The following SPAG16 variants were observed in gnomAD, a reference collection of about 807,000 sequenced individuals.
SPAG16 encodes sperm associated antigen 16.
Under a neutral mutation model 80.4 loss-of-function variants are expected in SPAG16, and 86 were observed. The observed-to-expected ratio is 1.07, with a 90% CI of 0.90 to 1.28. SPAG16 has a LOEUF of 1.28. SPAG16 is among the 50% of genes most tolerant of loss of function. The pLI is 0.00. For synonymous variants in SPAG16, 294 were observed against 265.9 expected (o/e 1.11, Z -1.03); for missense variants, 870 against 765.3 (o/e 1.14, Z -1.61).
In SPAG16 at chr2:213,571,906, G is replaced by A. The variant is rs1261944028; in HGVS notation, c.1070+81816G>A. Among the ~76,000 whole-genome samples the A allele has an allele frequency of 2.2e-5, 3 of 138,888 alleles. No individual in the cohort carries two copies. In the East Asian group the frequency reaches 6.0e-4, roughly 28 times the overall value. 91.1% of individuals were successfully genotyped at this position (138,888 alleles called of 152,430 possible). Reference sequence around the variant, plus strand: ...GACATAGATTTGGTCTTTTCACATAGTCCCATAGTTCTTGGAGGCTTTGCT... The same window carrying A: ...GACATAGATTTGGTCTTTTCACATAATCCCATAGTTCTTGGAGGCTTTGCT... On this transcript the variant is annotated intron_variant, in intron 10 of 15. Coordinates refer to ENST00000331683, the MANE Select transcript of SPAG16 (RefSeq NM_024532.5).
chr2:214,379,828 T>TAACA, intron 15 of SPAG16, among the ~76,000 whole-genome samples: 1 of 151,984 alleles, frequency 6.6e-6, no homozygotes, highest in East Asian at 1.9e-4. Flanking sequence ...TGCAGAGGAC[T>TAACA]AACAAACACC....
intron 15 of SPAG16, among the ~76,000 whole-genome samples, chr2:214,217,217 C>A (rs957005402): frequency 6.6e-6 from 1 of 152,228 alleles, no homozygotes; most frequent in African/African-American, 2.4e-5. Context: ...GTAAAGCATG[C>A]AATGCTTAGA....
chr2:213,804,474 G>T (rs1276774881), intron 10 of SPAG16, among the ~76,000 whole-genome samples: 1 of 152,156 alleles, frequency 6.6e-6, no homozygotes, highest in African/African-American at 2.4e-5. Context: ...ACAAGGTCAA[G>T]AGATCGAGAC....
intron 10 of SPAG16, among the ~76,000 whole-genome samples, chr2:213,818,131 T>G (rs534057902): frequency 1.1e-4 from 17 of 152,116 alleles, no homozygotes; most frequent in Non-Finnish European, 2.5e-4. Flanking sequence ...ATGCAGTCCT[T>G]TAAAGATCCC....
At chr2:214,224,297 A>T (rs1035697847) in intron 15 of SPAG16, among the ~76,000 whole-genome samples, 7 of 152,310 alleles carry the variant, frequency 4.6e-5, no homozygotes, top group South Asian at 2.1e-4. Context: ...AAAATGTTTC[A>T]CAAACAATGA....
chr2:214,164,279 T>C (rs2056565262), intron 15 of SPAG16, among the ~76,000 whole-genome samples: 1 of 152,138 alleles, frequency 6.6e-6, no homozygotes, highest in African/African-American at 2.4e-5. Flanking sequence ...CAAGTGGTGA[T>C]AAGTCTTATG....
chr2:213,808,680 TA>T (rs1377794214), intron 10 of SPAG16, among the ~76,000 whole-genome samples: 1 of 152,188 alleles, frequency 6.6e-6, no homozygotes, highest in Non-Finnish European at 1.5e-5. Context: ...AGGATCCATG[TA>T]GTACTGTTTT....
rs561076850 is a variant in SPAG16 at position 213,462,051 on chromosome 2, T to C, written c.943-27912T>C. ...GATGTTGAAAAAAATGTTAAAAACA[T>C]TGTATTCTGATTATGACTTAAAGTG... On this transcript the variant is annotated intron_variant, in intron 9 of 15. Transcript: ENST00000331683. 1.1e-3 allele frequency among the ~76,000 whole-genome samples: 167 copies of C among 152,324 alleles called. 1 individual carries two copies. The highest frequency in any genetic ancestry group is 3.8e-3 in the African/African-American group (159 of 41,572).
At chr2:213,715,697 T>C (rs1171794484) in intron 10 of SPAG16, among the ~76,000 whole-genome samples, 1 of 152,220 alleles carries the variant, frequency 6.6e-6, no homozygotes, top group Admixed American at 6.5e-5. Flanking sequence ...TCTTTTCATC[T>C]ACCTGACATT....
intron 5 of SPAG16, among the ~76,000 whole-genome samples, chr2:213,320,931 T>G (rs1429325343): frequency 6.6e-6 from 1 of 152,044 alleles, no homozygotes. Context: ...CTGCCCCAAA[T>G]GGTAGTGTTT....
chr2:214,079,364 T>C (rs1261156552), intron 13 of SPAG16, among the ~76,000 whole-genome samples: 2 of 152,152 alleles, frequency 1.3e-5, no homozygotes, highest in African/African-American at 2.4e-5. Flanking sequence ...AGAATAGTAA[T>C]TTTCACAATC....
At chr2:213,704,460 A>G (rs1267838823) in intron 10 of SPAG16, among the ~76,000 whole-genome samples, 1 of 152,154 alleles carries the variant, frequency 6.6e-6, no homozygotes, top group East Asian at 1.9e-4. Flanking sequence ...ATCACAGCCC[A>G]CTTACACAAT....
At chr2:214,070,552 T>G (rs962130463) in intron 13 of SPAG16, among the ~76,000 whole-genome samples, 1 of 152,086 alleles carries the variant, frequency 6.6e-6, no homozygotes, top group Non-Finnish European at 1.5e-5. Flanking sequence ...TTTATTTGTT[T>G]TACTCCAGTA....
chr2:214,267,240 A>G (rs573441865), intron 15 of SPAG16, among the ~76,000 whole-genome samples: 1 of 152,018 alleles, frequency 6.6e-6, no homozygotes, highest in African/African-American at 2.4e-5. Context: ...ACTGGATTTC[A>G]AAATATGTTA....
intron 13 of SPAG16, 110 bp downstream of exon 13, chr2:214,014,187 G>C: frequency 1.5e-6 from 2 of 1,360,060 alleles, no homozygotes; most frequent in Non-Finnish European, 2.0e-6. Context: ...GGGCATTCAG[G>C]GCAAAAGAAC....
Position 213,837,294 on chromosome 2 carries a change from A to G in SPAG16, c.1071-25191A>G, listed in dbSNP as rs140579100. Among the ~76,000 whole-genome samples, 333 of 152,352 alleles carry G rather than the reference A, an allele frequency of 2.2e-3. 2 individuals carry two copies. Among genetic ancestry groups the G allele is most frequent in the African/African-American group, 7.6e-3 (317 of 41,578 alleles). On this transcript the variant is annotated intron_variant, in intron 10 of 15. Transcript: ENST00000331683. The stretch of plus-strand genomic sequence containing the variant: ...AGAATCTATTTACTATATAGGCCTT[A>G]TACCAAGTATAAAAGGAATTCTTTT...
chr2:213,651,388 C>T (rs994327553), intron 10 of SPAG16, among the ~76,000 whole-genome samples: 5 of 152,152 alleles, frequency 3.3e-5, no homozygotes, highest in Admixed American at 2.0e-4. Context: ...AGCACATGTT[C>T]ATTCTACAAC....
chr2:214,282,417 C>A (rs1274470110), intron 15 of SPAG16, among the ~76,000 whole-genome samples: 2 of 152,018 alleles, frequency 1.3e-5, no homozygotes, highest in Non-Finnish European at 2.9e-5. Flanking sequence ...TCTGTCAATT[C>A]AGTATTTCCT....
chr2:214,299,801 C>T (rs1226913871), intron 15 of SPAG16, among the ~76,000 whole-genome samples: 1 of 152,028 alleles, frequency 6.6e-6, no homozygotes, highest in Non-Finnish European at 1.5e-5. Flanking sequence ...TTTATCTATG[C>T]CTGTAGATAC....
Sources: gnomAD v4.1 joint callset for allele counts (sites outside exome capture counted in the v4.1 genomes callset) on GRCh38, gnomAD v4.1.1 for gene constraint, MANE v1.5 for transcripts, NCBI Gene and HGNC (gene_info 2026-07-23, HGNC 2026-07-21) for gene names.